Variants in TCN2 observed in about 807,000 individuals in gnomAD.
TCN2 encodes the protein transcobalamin-2.
In TCN2, 34 loss-of-function variants were observed where a neutral mutation model predicts 48.6. The ratio of observed to expected loss-of-function variants is 0.70; its 90% confidence interval spans 0.53 to 0.93. The LOEUF is 0.93. Among genes scored for constraint, TCN2 ranks in the 40% least tolerant of loss-of-function variants. TCN2 has a pLI of 0.00. For synonymous variants in TCN2, 283 were observed against 212.5 expected, an observed-to-expected ratio of 1.33 and a Z score of -2.89; for missense variants, 652 against 526.1, an observed-to-expected ratio of 1.24 and a Z score of -2.34.
chr22:30,610,838 T>C (rs2087527029), intron 1 of TCN2, 33 bp from the exon 2 acceptor site: 1 of 1,613,044 alleles, frequency 6.2e-7, no homozygotes, highest in Non-Finnish European at 8.5e-7. Context: ...GGCCTGGCCC[T>C]GTGACCTCAT....
In TCN2 at chr22:30,617,434, G is replaced by C. The variant is rs2087628967; in HGVS notation, c.1045G>C (p.Val349Leu). ...GCCGCCGTACAGACAGTCCATCTCTGTTCTGGCCGGGTCCACCGTGGAAGA... is the reference window on the plus strand; with the variant it reads ...GCCGCCGTACAGACAGTCCATCTCTCTTCTGGCCGGGTCCACCGTGGAAGA... The part of the protein sequence containing the change: ...LLPPYRQSIS[V>L]LAGSTVEDVL... Residue 349 changes from valine (V) to leucine (L), a missense_variant, in exon 7 of 9, where the codon GTT becomes CTT. Val to Leu is a conservative substitution (Grantham distance 32). Coordinates refer to ENST00000215838, the MANE Select transcript of TCN2 (RefSeq NM_000355.4). 1 of 1,614,134 alleles carries C rather than the reference G, an allele frequency of 6.2e-7. No homozygotes were observed. Among genetic ancestry groups the C allele is most frequent in the Non-Finnish European group, 8.5e-7 (1 of 1,180,020 alleles).
At chr22:30,607,446 G>T in intron 1 of TCN2, 51 bp downstream of exon 1, 1 of 1,606,742 alleles carries the variant, frequency 6.2e-7, no homozygotes, top group Non-Finnish European at 8.5e-7. Flanking sequence ...GTCCTTAGTG[G>T]GGTGGCTAGG....
rs2087579248 is a variant in TCN2 at position 30,614,264 on chromosome 22, A to G, written c.428-85A>G. On this transcript the variant is annotated intron_variant, in intron 3 of 8. Transcript: ENST00000215838. ...CATGACCCAAAAGAGCGTGTTGGAA[A>G]GTGCAGGCCAGGGTCCCAGGTGCTG... 3 of 1,562,016 alleles carry G rather than the reference A, an allele frequency of 1.9e-6. No individual in the cohort carries two copies. In the African/African-American group the frequency reaches 4.1e-5, roughly 21 times the overall value.
intron 6 of TCN2, 69 bp from the exon 7 acceptor site, chr22:30,617,261 G>T: frequency 6.2e-7 from 1 of 1,607,076 alleles, no homozygotes; most frequent in Non-Finnish European, 8.5e-7. Flanking sequence ...CTTGAGGGAA[G>T]ACAAGAAGAC....
intron 1 of TCN2, among the ~76,000 whole-genome samples, chr22:30,608,291 G>A (rs2087483169): frequency 6.6e-6 from 1 of 152,256 alleles, no homozygotes; most frequent in Non-Finnish European, 1.5e-5. Flanking sequence ...AAGTGAAGAA[G>A]TCGAGGGTTG....
At position 30,615,353 on chromosome 22, in the gene TCN2, C is replaced by A. The variant is rs780965885; in HGVS notation, c.633C>A (p.Phe211Leu). Residue 211 changes from phenylalanine to leucine, a missense_variant, in exon 5 of 9, where the codon TTC becomes TTA. Physicochemically the swap from Phe to Leu is conservative, Grantham distance 22. Coordinates refer to ENST00000215838, the MANE Select transcript of TCN2 (RefSeq NM_000355.4). The part of the protein sequence containing the change: ...LAFTCLKRSN[F>L]NPGRRQRITM... ...TCACCTGTCTGAAGCGCTCAAACTT[C>A]AACCCTGGTCGGAGACAACGGATCA... The A allele has an allele frequency of 1.9e-6, 3 of 1,614,108 alleles. No homozygotes were observed. Among genetic ancestry groups the A allele is most frequent in the African/African-American group, 1.3e-5 (1 of 74,938 alleles).
At chr22:30,617,631 G>C in intron 7 of TCN2, 136 bp downstream of exon 7, 1 of 1,188,058 alleles carries the variant, frequency 8.4e-7, no homozygotes, top group Non-Finnish European at 1.2e-6. Context: ...TACCTGCTCA[G>C]CTCCTTTCTT....
Position 30,617,421 on chromosome 22 carries a change from A to G in TCN2, c.1032A>G (p.Arg344=), listed in dbSNP as rs763471940. The stretch of plus-strand genomic sequence containing the variant: ...TGCTTAGTCTCTTGCCGCCGTACAG[A>G]CAGTCCATCTCTGTTCTGGCCGGGT... The part of the protein sequence containing the change: ...LQVLSLLPPY[R]QSISVLAGST... Residue 344 remains arginine (R), a synonymous_variant, in exon 7 of 9, where the codon AGA becomes AGG. Transcript: ENST00000215838. The G allele has an allele frequency of 6.2e-7, 1 of 1,613,984 alleles. No homozygotes were observed. The highest frequency in any genetic ancestry group is 8.5e-7 in the Non-Finnish European group (1 of 1,180,020).
At chr22:30,610,765 G>A (rs976484784) in intron 1 of TCN2, 106 bp from the exon 2 acceptor site, 1 of 1,182,530 alleles carries the variant, frequency 8.5e-7, no homozygotes, top group Non-Finnish European at 1.2e-6. Flanking sequence ...GGGTGGAGGT[G>A]GGGGTGAGGA....
rs1320777904 is a variant in TCN2 at position 30,607,250 on chromosome 22, C to G, written c.-82C>G. 1 of 1,451,920 alleles carries G rather than the reference C, an allele frequency of 6.9e-7. No homozygotes were observed. Among genetic ancestry groups the G allele is most frequent in the African/African-American group, 1.4e-5 (1 of 71,608 alleles). The allele number at this position is 1,451,920 out of a possible 1,614,324, so 89.9% of individuals were successfully genotyped here. A position where few individuals can be genotyped will look rare whatever the true frequency, so the allele number is the denominator to read the frequency against. ...CTGCGTCTCTCGGAGCGGTGACCAG[C>G]TGTGGTCAGGAGAGCCTCAGCAGGG... On this transcript the variant is annotated 5_prime_UTR_variant, in exon 1 of 9. Transcript: ENST00000215838.
In TCN2 at chr22:30,615,588, A is replaced by G. The variant is rs754588956; in HGVS notation, c.754-13A>G. ...GGCTGACTTCCTCTCTCTCTTCCTC[A>G]CTCTATCACCAGTTCCTCATGACTT... On this transcript the variant is annotated splice_polypyrimidine_tract_variant and intron_variant, in intron 5 of 8. Coordinates refer to ENST00000215838, the MANE Select transcript of TCN2 (RefSeq NM_000355.4). 6.2e-7 allele frequency: 1 copy of G among 1,613,546 alleles called. No individual in the cohort carries two copies. Among genetic ancestry groups the G allele is most frequent in the Non-Finnish European group, 8.5e-7 (1 of 1,179,880 alleles).
chr22:30,615,559 TGCC>T (rs753638344), intron 5 of TCN2, 39 bp from the exon 6 acceptor site: 1 of 1,613,958 alleles, frequency 6.2e-7, no homozygotes, highest in Non-Finnish European at 8.5e-7. Context: ...AGCCCCTCCC[TGCC>T]GGCTGACTTC....
chr22:30,623,309 A>C, intron 8 of TCN2: 1 of 545,000 alleles, frequency 1.8e-6, no homozygotes, highest in South Asian at 2.2e-5. Flanking sequence ...AAAAAAAAAA[A>C]AACTAGAAGA....
At position 30,626,813 on chromosome 22, in the gene TCN2, T is replaced by C. The variant is rs2087817912; in HGVS notation, c.*292T>C. 3 of 537,014 alleles carry C rather than the reference T, an allele frequency of 5.6e-6. No individual in the cohort carries two copies. Among genetic ancestry groups the C allele is most frequent in the Non-Finnish European group, 1.0e-5 (3 of 296,724 alleles). The allele number at this position is 537,014 out of a possible 1,614,324, so 33.3% of individuals were successfully genotyped here. A position where few individuals can be genotyped will look rare whatever the true frequency, so the allele number is the denominator to read the frequency against. ...CCCATGGTCTGATGGGCATGAAGCA[T>C]CTCAGACTCCTTGGCAAAAAACGGA... On this transcript the variant is annotated 3_prime_UTR_variant, in exon 9 of 9. Transcript: ENST00000215838.
intron 1 of TCN2, among the ~76,000 whole-genome samples, chr22:30,608,164 C>T (rs1174620952): frequency 1.3e-5 from 2 of 152,180 alleles, no homozygotes; most frequent in East Asian, 1.9e-4. Flanking sequence ...GGGCCGCCCA[C>T]GCGCCTTTTC....
intron 1 of TCN2, 99 bp downstream of exon 1, chr22:30,607,494 C>T: frequency 7.4e-7 from 1 of 1,357,862 alleles, no homozygotes; most frequent in Non-Finnish European, 1.0e-6. Flanking sequence ...TTCTAAGCTC[C>T]CATAGCAGTT....
At position 30,607,292 on chromosome 22, in the gene TCN2, T is replaced by C. The variant is rs2145528773; in HGVS notation, c.-40T>C. 1 of 1,613,390 alleles carries C rather than the reference T, an allele frequency of 6.2e-7. No individual in the cohort carries two copies. Among genetic ancestry groups the C allele is most frequent in the South Asian group, 1.1e-5 (1 of 91,068 alleles). On this transcript the variant is annotated 5_prime_UTR_variant, in exon 1 of 9. Coordinates refer to ENST00000215838, the MANE Select transcript of TCN2 (RefSeq NM_000355.4). ...TCAGCAGGGCCAGCCCCAGGAGTCT[T>C]TCCCGATTCTTGCTCACTGCTCACC...
intron 2 of TCN2, among the ~76,000 whole-genome samples, chr22:30,611,293 C>T (rs1346868721): frequency 6.6e-6 from 1 of 152,238 alleles, no homozygotes; most frequent in Non-Finnish European, 1.5e-5. Context: ...GTGTCTGAGG[C>T]AGACATAACT....
intron 5 of TCN2, 48 bp downstream of exon 5, chr22:30,615,521 G>A (rs765981708): frequency 3.1e-6 from 5 of 1,613,474 alleles, no homozygotes; most frequent in Middle Eastern, 1.6e-4. Context: ...AACAGTCAGG[G>A]GTGGAGTGGT....
Sources: gnomAD v4.1 joint callset for allele counts (sites outside exome capture counted in the v4.1 genomes callset) on GRCh38, gnomAD v4.1.1 for gene constraint, MANE v1.5 for transcripts, NCBI Gene and HGNC (gene_info 2026-07-23, HGNC 2026-07-21) for gene names.